The following SUCO variants were observed in gnomAD, a reference collection of about 807,000 sequenced individuals.
The protein encoded by SUCO is SUN domain containing ossification factor, also known as SUN domain-containing ossification factor.
Under a neutral mutation model 148.1 loss-of-function variants are expected in SUCO, and 57 were observed. The ratio of observed to expected loss-of-function variants is 0.38; its 90% CI spans 0.31 to 0.48. SUCO has a LOEUF of 0.48. Among genes scored for constraint, SUCO ranks in the 20% least tolerant of loss-of-function variants. The probability of loss-of-function intolerance (pLI) is 0.96; values close to 1 mark genes in which losing one functional copy is unlikely to be tolerated. For synonymous variants in SUCO, 470 were observed against 502.7 expected, an observed-to-expected ratio of 0.93 and a Z score of 0.87; for missense variants, 1,331 against 1,468.2, an observed-to-expected ratio of 0.91 and a Z score of 1.53.
chr1:172,577,693 A>T, intron 12 of SUCO, 71 bp from the exon 13 acceptor site: 1 of 1,575,316 alleles, frequency 6.3e-7, no homozygotes, highest in Non-Finnish European at 8.7e-7. Context: ...TAATGAAAAA[A>T]CTGAGTATAT....
chr1:172,577,867 T>A, intron 13 of SUCO, 48 bp downstream of exon 13: 1 of 1,440,876 alleles, frequency 6.9e-7, no homozygotes. Context: ...AAAATTGATA[T>A]ACAAAATTTT....
In SUCO at chr1:172,578,314, A is replaced by G. The variant is rs1655609044; in HGVS notation, c.1357A>G (p.Met453Val). The G allele has an allele frequency of 1.9e-6, 3 of 1,611,806 alleles. No individual in the cohort carries two copies. The highest frequency in any genetic ancestry group is 2.5e-6 in the Non-Finnish European group (3 of 1,178,164). Residue 453 changes from methionine (M) to valine (V), a missense_variant, in exon 14 of 24, where the codon ATG becomes GTG. Physicochemically the swap from Met to Val is conservative, Grantham distance 21. Around this residue, in one of 3 missense-constraint regions of SUCO, gnomAD observed 992 missense variants for 1,093.5 expected, o/e 0.91. Coordinates refer to ENST00000263688, the MANE Select transcript of SUCO (RefSeq NM_014283.5). ...LSLIRVFGTS[M>V]VEEYEEIADS... Reference sequence around the variant, plus strand: ...TGTTGATAGGGTATTTGGCACTAGCATGGTGGAAGAATATGAAGAAATTGC... The same window carrying G: ...TGTTGATAGGGTATTTGGCACTAGCGTGGTGGAAGAATATGAAGAAATTGC...
chr1:172,589,822 A>G lies in SUCO; in HGVS notation c.2721A>G (p.Gly907=), dbSNP rs767725996. 15 of 1,609,864 alleles carry G rather than the reference A, an allele frequency of 9.3e-6. No individual in the cohort carries two copies. The South Asian group carries it at 1.5e-4, about 17-fold the overall frequency. ...ATGCTAATGGAAATCTTGTACATGG[A>G]TCAAACCAAAAGGAGTCAGTATTTA... is the stretch of plus-strand genomic sequence containing the variant. ...LGYANGNLVH[G]SNQKESVFMR... The change falls in exon 18 of 24, where the codon GGA becomes GGG. Residue 907 remains glycine, a synonymous_variant. Coordinates refer to ENST00000263688, the MANE Select transcript of SUCO (RefSeq NM_014283.5).
chr1:172,542,465 C>T (rs1409771046), intron 1 of SUCO, among the ~76,000 whole-genome samples: 4 of 152,176 alleles, frequency 2.6e-5, no homozygotes, highest in Admixed American at 6.5e-5. Context: ...AGTACTGCTC[C>T]GTGGTCTGTT....
intron 9 of SUCO, among the ~76,000 whole-genome samples, chr1:172,573,158 G>C (rs1441381202): frequency 6.6e-6 from 1 of 152,060 alleles, no homozygotes; most frequent in Admixed American, 6.5e-5. Context: ...CCACAATAAA[G>C]ATAACAAACA....
chr1:172,559,933 C>T (rs1379126330), intron 6 of SUCO, among the ~76,000 whole-genome samples: 1 of 152,164 alleles, frequency 6.6e-6, no homozygotes, highest in Non-Finnish European at 1.5e-5. Context: ...TGAATCCCAC[C>T]TTCCCACCTC....
At chr1:172,572,486 A>G (rs1288078086) in intron 9 of SUCO, among the ~76,000 whole-genome samples, 1 of 151,992 alleles carries the variant, frequency 6.6e-6, no homozygotes, top group Non-Finnish European at 1.5e-5. Context: ...TTTGTTAAAC[A>G]GATGCTTGAA....
At chr1:172,598,216 C>T (rs1657262100) in intron 19 of SUCO, among the ~76,000 whole-genome samples, 1 of 152,144 alleles carries the variant, frequency 6.6e-6, no homozygotes. Context: ...CGTCCTTTCT[C>T]CACAGAATTT....
At chr1:172,584,141 T>C (rs969000430) in intron 15 of SUCO, among the ~76,000 whole-genome samples, 1 of 152,242 alleles carries the variant, frequency 6.6e-6, no homozygotes, top group African/African-American at 2.4e-5. Context: ...CAAAGAGATT[T>C]GATTCTATGC....
chr1:172,598,391 T>G (rs191092726), intron 19 of SUCO, among the ~76,000 whole-genome samples: 7 of 152,332 alleles, frequency 4.6e-5, no homozygotes, highest in Admixed American at 4.6e-4. Flanking sequence ...GTCCTCCAAT[T>G]TTATTCTTTT....
At chr1:172,587,856 G>A (rs1391025632) in intron 17 of SUCO, among the ~76,000 whole-genome samples, 3 of 151,890 alleles carry the variant, frequency 2.0e-5, no homozygotes, top group Non-Finnish European at 4.4e-5. Context: ...TTATGTATAA[G>A]GCTACACCCA....
rs569610667 is a variant in SUCO, at chr1:172,545,893, T to TGTCC, written c.63-5606_63-5603dup. Among the ~76,000 whole-genome samples the TGTCC allele has an allele frequency of 9.1e-3, 1,386 of 152,204 alleles. 7 individuals carry two copies. Among genetic ancestry groups the TGTCC allele is most frequent in the Non-Finnish European group, 0.013 (882 of 67,988 alleles). ...CTGGCCTGCCTGCCTTCCGTCCTTC[T>TGTCC]GTCCGTCCGTCCGTCCTTCCTTCCT... On this transcript the variant is annotated intron_variant, in intron 1 of 23. Coordinates refer to ENST00000263688, the MANE Select transcript of SUCO (RefSeq NM_014283.5).
intron 9 of SUCO, among the ~76,000 whole-genome samples, chr1:172,571,311 T>G (rs1235822721): frequency 1.3e-5 from 2 of 152,216 alleles, no homozygotes; most frequent in Non-Finnish European, 2.9e-5. Flanking sequence ...TCCGCCAGCC[T>G]CGGCCTCCCG....
chr1:172,601,987 C>T (rs1657559957), intron 20 of SUCO, 77 bp from the exon 21 acceptor site: 6 of 1,364,164 alleles, frequency 4.4e-6, no homozygotes, highest in South Asian at 1.7e-5. Flanking sequence ...ATGATTTGTC[C>T]TTTGAATTTT....
chr1:172,565,084 G>GTTCTGTTCTA (rs1654460969), intron 6 of SUCO, among the ~76,000 whole-genome samples: 1 of 152,176 alleles, frequency 6.6e-6, no homozygotes, highest in South Asian at 2.1e-4. Flanking sequence ...GTTCTGTTCT[G>GTTCTGTTCTA]TTCTGTTCTA....
chr1:172,600,702 G>A (rs924162446), intron 20 of SUCO, among the ~76,000 whole-genome samples: 7 of 28,076 alleles, frequency 2.5e-4, no homozygotes, highest in African/African-American at 1.2e-3. Context: ...TTAAATGTGT[G>A]TGTGTGTGTG....
chr1:172,602,723 T>G lies in SUCO; in HGVS notation c.3201T>G (p.Asn1067Lys). Reference protein sequence around the residue: ...KRCFSSYDDMNLKRRTSFPLM... With the variant: ...KRCFSSYDDMKLKRRTSFPLM... ...GTTTCTCTTCCTATGATGATATGAATTTGAAAAGAAGAACTTCATTCCCAC... is the reference window on the plus strand; with the variant it reads ...GTTTCTCTTCCTATGATGATATGAAGTTGAAAAGAAGAACTTCATTCCCAC... The change falls in exon 22 of 24, where the codon AAT becomes AAG. Residue 1067 changes from asparagine to lysine, a missense_variant. By Grantham distance (94) the Asn-to-Lys change is moderately conservative. This residue lies in a region of SUCO where 334 missense variants were observed against 352.3 expected (regional missense o/e 0.95). Coordinates refer to ENST00000263688, the MANE Select transcript of SUCO (RefSeq NM_014283.5). 4 of 1,613,102 alleles carry G rather than the reference T, an allele frequency of 2.5e-6. No homozygotes were observed. Among genetic ancestry groups the G allele is most frequent in the Non-Finnish European group, 3.4e-6 (4 of 1,179,660 alleles).
At chr1:172,577,415 T>G in intron 11 of SUCO, 124 bp from the exon 12 acceptor site, 1 of 902,248 alleles carries the variant, frequency 1.1e-6, no homozygotes, top group Non-Finnish European at 1.6e-6. Context: ...TACAGTGTTA[T>G]CCATCACATG....
At chr1:172,579,678 T>C (rs910894219) in intron 15 of SUCO, among the ~76,000 whole-genome samples, 6 of 152,038 alleles carry the variant, frequency 3.9e-5, no homozygotes, top group African/African-American at 1.4e-4. Context: ...ATAAGAATAC[T>C]AGTAATAATA....
Sources: gnomAD v4.1 joint callset for allele counts (sites outside exome capture counted in the v4.1 genomes callset) on GRCh38, gnomAD v4.1.1 for gene constraint, gnomAD v4.1.1 regional missense constraint, MANE v1.5 for transcripts, NCBI Gene and HGNC (gene_info 2026-07-23, HGNC 2026-07-21) for gene names.